The following RUFY3 variants were observed in gnomAD, a reference collection of about 807,000 sequenced individuals.
RUFY3 encodes the protein RUN and FYVE domain containing 3, also known as protein RUFY3.
In RUFY3, 34 loss-of-function variants were observed where a neutral mutation model predicts 84.0. The ratio of observed to expected loss-of-function variants is 0.40; its 90% confidence interval spans 0.31 to 0.54. The LOEUF (loss-of-function observed/expected upper bound fraction) is 0.54. Ranked by LOEUF, RUFY3 falls within the 20% of genes least tolerant of loss-of-function variation. The probability of loss-of-function intolerance (pLI) is 0.39; values close to 1 mark genes in which losing one functional copy is unlikely to be tolerated. For missense variants in RUFY3, 507 were observed against 736.8 expected (o/e 0.69, Z 3.61); for synonymous variants, 242 against 252.9 (o/e 0.96, Z 0.41).
chr4:70,786,342 T>C (rs2148784764), intron 10 of RUFY3, among the ~76,000 whole-genome samples: 1 of 152,152 alleles, frequency 6.6e-6, no homozygotes, highest in South Asian at 2.1e-4. Context: ...GTGGGGTGAC[T>C]AGAGTTAACA....
chr4:70,744,252 G>A (rs946730921), intron 1 of RUFY3, among the ~76,000 whole-genome samples: 3 of 151,894 alleles, frequency 2.0e-5, no homozygotes, highest in African/African-American at 7.3e-5. Context: ...AGGCTGGAGT[G>A]CAGTGGCATG....
intron 1 of RUFY3, among the ~76,000 whole-genome samples, chr4:70,760,342 G>T (rs1724811009): frequency 1.3e-5 from 2 of 152,152 alleles, no homozygotes; most frequent in African/African-American, 4.8e-5. Context: ...CACTACGTTG[G>T]AATCAGCTTG....
At chr4:70,765,209 G>GTGTATATATATATATATATATATA (rs144995233) in intron 4 of RUFY3, among the ~76,000 whole-genome samples, 1 of 137,210 alleles carries the variant, frequency 7.3e-6, no homozygotes, top group African/African-American at 2.7e-5. Context: ...AAAAAAATGT[G>GTGTATATATATATATATATATATA]TATATATATA....
intron 1 of RUFY3, among the ~76,000 whole-genome samples, chr4:70,755,880 G>A (rs1723925755): frequency 6.6e-6 from 1 of 151,898 alleles, no homozygotes; most frequent in Non-Finnish European, 1.5e-5. Flanking sequence ...GAACCTGGGA[G>A]GCGGAACTTG....
At chr4:70,721,883 C>T, upstream of RUFY3, 1 of 1,230,736 alleles carries the variant, frequency 8.1e-7, no homozygotes, top group Non-Finnish European at 1.0e-6. Context: ...CTCCCAGCAT[C>T]AGCAGCATCT....
chr4:70,733,985 T>A (rs1719877074), intron 1 of RUFY3, among the ~76,000 whole-genome samples: 1 of 152,234 alleles, frequency 6.6e-6, no homozygotes, highest in Non-Finnish European at 1.5e-5. Flanking sequence ...TTGTATTATA[T>A]ATCAGTACCT....
At chr4:70,708,376 G>A (rs1008540110) in intron 1 of RUFY3, among the ~76,000 whole-genome samples, 58 of 151,896 alleles carry the variant, frequency 3.8e-4, no homozygotes, top group African/African-American at 1.2e-3. Flanking sequence ...TGTTGGCCAG[G>A]CTGCTCTCGA....
rs112865683 is a variant in RUFY3 at position 70,708,336 on chromosome 4, A to AT, written c.358+3053dup. On this transcript the variant is annotated intron_variant, in intron 1 of 11. Coordinates refer to the RUFY3 transcript ENST00000417478. Reference sequence around the variant, plus strand: ...ACAGGTGCGCACCACCACCCCAGCTATTTTTTTTTTTGTATTTTAGTAGAG... The same window carrying AT: ...ACAGGTGCGCACCACCACCCCAGCTATTTTTTTTTTTTGTATTTTAGTAGAG... Among the ~76,000 whole-genome samples the AT allele has an allele frequency of 4.6e-3, 667 of 144,508 alleles. 5 individuals carry two copies. The highest frequency in any genetic ancestry group is 0.011 in the African/African-American group (441 of 39,576). 94.8% of individuals were successfully genotyped at this position (144,508 alleles called of 152,430 possible).
Position 70,804,419 on chromosome 4 carries a change from A to G in RUFY3, c.1719+3A>G. ...AGGAAGACGGCAGCCTAACAAAGGT[A>G]ACTGTGATGAGAAACGGACAGGCTT... On this transcript the variant is annotated splice_donor_region_variant and intron_variant, in intron 17 of 17. Coordinates refer to ENST00000381006, the MANE Select transcript of RUFY3 (RefSeq NM_001037442.4). 2 of 1,613,454 alleles carry G rather than the reference A, an allele frequency of 1.2e-6. No homozygotes were observed. Among genetic ancestry groups the G allele is most frequent in the Non-Finnish European group, 1.7e-6 (2 of 1,179,482 alleles).
At chr4:70,795,009 C>A in intron 14 of RUFY3, 115 bp downstream of exon 14, 2 of 714,980 alleles carry the variant, frequency 2.8e-6, no homozygotes, top group East Asian at 2.5e-5. Context: ...GCTGTGTCCT[C>A]AAGTATGTAG....
At chr4:70,754,604 AC>A (rs1723677072) in intron 1 of RUFY3, among the ~76,000 whole-genome samples, 1 of 151,882 alleles carries the variant, frequency 6.6e-6, no homozygotes, top group Admixed American at 6.6e-5. Flanking sequence ...CATCAGGCTA[AC>A]TAAATGGTGT....
At chr4:70,704,977 G>A (rs1183256258) in exon 1 of RUFY3, 4 of 1,228,200 alleles carry the variant, frequency 3.3e-6, no homozygotes, top group Middle Eastern at 3.2e-4. Flanking sequence ...GGTGCCGAAA[G>A]TTGCAGCGAG....
At chr4:70,750,486 A>ATT (rs1722947906) in intron 1 of RUFY3, among the ~76,000 whole-genome samples, 3 of 152,240 alleles carry the variant, frequency 2.0e-5, no homozygotes, top group African/African-American at 7.2e-5. Context: ...ATATATTATT[A>ATT]TTATGTCTAA....
intron 1 of RUFY3, among the ~76,000 whole-genome samples, chr4:70,715,063 G>A (rs1032806453): frequency 6.6e-6 from 1 of 152,062 alleles, no homozygotes; most frequent in Admixed American, 6.6e-5. Flanking sequence ...GTCAACTTTG[G>A]TTAATATCTA....
chr4:70,755,087 A>G (rs1017190739), intron 1 of RUFY3, among the ~76,000 whole-genome samples: 2 of 151,986 alleles, frequency 1.3e-5, no homozygotes, highest in African/African-American at 4.8e-5. Context: ...TATTTTTAGT[A>G]AAGACGAGGT....
At chr4:70,789,763 T>C (rs1050934327) in intron 12 of RUFY3, 171 bp downstream of exon 12, 3 of 1,261,288 alleles carry the variant, frequency 2.4e-6, no homozygotes, top group Non-Finnish European at 1.0e-6. Flanking sequence ...AAGGTATGAC[T>C]GAAATGTTTT....
intron 14 of RUFY3, among the ~76,000 whole-genome samples, chr4:70,797,237 C>T (rs1053722969): frequency 1.3e-5 from 2 of 152,078 alleles, no homozygotes; most frequent in Admixed American, 1.3e-4. Flanking sequence ...GCCACCGTGC[C>T]CAGCCCGGGG....
In RUFY3 at chr4:70,808,431, G is replaced by T. The variant is rs1412036945; in HGVS notation, c.*1772G>T. 1.3e-5 allele frequency among the ~76,000 whole-genome samples: 2 copies of T among 152,136 alleles called. No homozygotes were observed. Among genetic ancestry groups the T allele is most frequent in the African/African-American group, 2.4e-5 (1 of 41,428 alleles). ...TTCTAATCAAGACCTAAGAAGGTAT[G>T]ATTCTGTGACTGATTTAGAATTCTG... On this transcript the variant is annotated 3_prime_UTR_variant, in exon 18 of 18. Coordinates refer to ENST00000381006, the MANE Select transcript of RUFY3 (RefSeq NM_001037442.4).
chr4:70,727,504 C>T (rs1353947608), intron 1 of RUFY3, among the ~76,000 whole-genome samples: 6 of 150,714 alleles, frequency 4.0e-5, no homozygotes, highest in African/African-American at 7.3e-5. Flanking sequence ...TACAGGCAGA[C>T]GCCACCACGC....
Sources: allele counts gnomAD v4.1 joint callset (sites outside exome capture counted in the v4.1 genomes callset), GRCh38; gene constraint gnomAD v4.1.1; transcripts MANE v1.5; gene names NCBI Gene and HGNC (gene_info 2026-07-23, HGNC 2026-07-21).